MARCHF1: variants seen among roughly 807,000 people sequenced by gnomAD.
MARCHF1 encodes membrane associated ring-CH-type finger 1, also known as E3 ubiquitin-protein ligase MARCHF1.
A neutral mutation model predicts 54.2 loss-of-function variants in MARCHF1; 40 were observed. The ratio of observed to expected loss-of-function variants is 0.74; its 90% CI spans 0.57 to 0.96. MARCHF1 has a LOEUF of 0.96. Among genes scored for constraint, MARCHF1 ranks in the 40% least tolerant of loss-of-function variants. The probability of loss-of-function intolerance (pLI) is 0.00; values close to 1 mark genes in which losing one functional copy is unlikely to be tolerated. For missense variants in MARCHF1, 586 were observed against 656.5 expected (o/e 0.89, Z 1.17); for synonymous variants, 236 against 236.3 (o/e 1.00, Z 0.01).
chr4:163,582,252 G>A (rs571824350), intron 8 of MARCHF1, among the ~76,000 whole-genome samples: 20 of 152,100 alleles, frequency 1.3e-4, no homozygotes, highest in Non-Finnish European at 2.5e-4. Flanking sequence ...TCTGACCTTG[G>A]TTAACTTAGC....
chr4:163,798,643 C>A (rs1020421566), intron 4 of MARCHF1, among the ~76,000 whole-genome samples: 35 of 151,816 alleles, frequency 2.3e-4, no homozygotes, highest in African/African-American at 8.2e-4. Context: ...AGTAGCCCTT[C>A]CTATCATGAA....
At chr4:163,619,258 G>C (rs1290570164) in intron 5 of MARCHF1, among the ~76,000 whole-genome samples, 1 of 152,178 alleles carries the variant, frequency 6.6e-6, no homozygotes. Context: ...CATTTTGGCA[G>C]CTGAGAATTG....
At chr4:164,124,309 A>G (rs572257042) in intron 1 of MARCHF1, among the ~76,000 whole-genome samples, 2 of 152,226 alleles carry the variant, frequency 1.3e-5, no homozygotes, top group South Asian at 4.2e-4. Flanking sequence ...AGAAAAGGGA[A>G]CCTTGGCACA....
chr4:163,645,789 A>G (rs1742734511), intron 5 of MARCHF1, among the ~76,000 whole-genome samples: 1 of 152,190 alleles, frequency 6.6e-6, no homozygotes. Flanking sequence ...TGCCAATTCA[A>G]GGAACAAAAA....
chr4:163,721,608 C>T (rs572401061), intron 4 of MARCHF1, among the ~76,000 whole-genome samples: 5 of 152,078 alleles, frequency 3.3e-5, no homozygotes, highest in Admixed American at 2.6e-4. Context: ...GGAATGGTAC[C>T]AGCTCCTCCT....
chr4:163,740,284 C>T (rs1454922538), intron 4 of MARCHF1, among the ~76,000 whole-genome samples: 1 of 152,156 alleles, frequency 6.6e-6, no homozygotes, highest in East Asian at 1.9e-4. Flanking sequence ...AGTCCCAGTA[C>T]CGGTCCTAGC....
chr4:163,773,271 G>C (rs1325465622), intron 4 of MARCHF1, among the ~76,000 whole-genome samples: 2 of 152,142 alleles, frequency 1.3e-5, no homozygotes, highest in Non-Finnish European at 2.9e-5. Flanking sequence ...GTCTATCCAA[G>C]AATCAGTCTC....
chr4:164,309,508 G>A (rs1297175211), intron 1 of MARCHF1, among the ~76,000 whole-genome samples: 1 of 152,096 alleles, frequency 6.6e-6, no homozygotes, highest in Non-Finnish European at 1.5e-5. Flanking sequence ...CAGTCAGGGG[G>A]CTGAGTGCAA....
At chr4:163,706,705 CA>C (rs1238886563) in intron 4 of MARCHF1, among the ~76,000 whole-genome samples, 1 of 151,662 alleles carries the variant, frequency 6.6e-6, no homozygotes, top group Non-Finnish European at 1.5e-5. Flanking sequence ...ATTAAATCTT[CA>C]ATAGAATTTA....
intron 1 of MARCHF1, among the ~76,000 whole-genome samples, chr4:164,237,614 T>C (rs1297649647): frequency 6.6e-6 from 1 of 152,090 alleles, no homozygotes; most frequent in Non-Finnish European, 1.5e-5. Flanking sequence ...TCTTTATTAA[T>C]TGCAAAACAC....
intron 2 of MARCHF1, among the ~76,000 whole-genome samples, chr4:164,028,217 T>C (rs1753809427): frequency 6.6e-6 from 1 of 152,186 alleles, no homozygotes; most frequent in Admixed American, 6.5e-5. Flanking sequence ...ATTCCCATTA[T>C]TGGGTATATA....
At chr4:163,579,292 G>T (rs897829035) in intron 8 of MARCHF1, among the ~76,000 whole-genome samples, 4 of 152,082 alleles carry the variant, frequency 2.6e-5, no homozygotes, top group Admixed American at 2.6e-4. Flanking sequence ...CTAAGAGCAA[G>T]AATTGCACTT....
chr4:163,966,236 A>C (rs527785789), intron 3 of MARCHF1, among the ~76,000 whole-genome samples: 1 of 152,188 alleles, frequency 6.6e-6, no homozygotes. Flanking sequence ...CTTTATAAAC[A>C]TAGTTATTTT....
chr4:163,900,265 C>T (rs146654409), intron 3 of MARCHF1, among the ~76,000 whole-genome samples: 92 of 151,780 alleles, frequency 6.1e-4, no homozygotes, highest in African/African-American at 2.1e-3. Context: ...ACTGGTACTC[C>T]GTCAAATTAA....
chr4:164,132,008 T>C (rs1468628999), intron 1 of MARCHF1, among the ~76,000 whole-genome samples: 1 of 152,152 alleles, frequency 6.6e-6, no homozygotes, highest in Non-Finnish European at 1.5e-5. Flanking sequence ...TGAAAAGTAT[T>C]GATTCTTAAC....
intron 1 of MARCHF1, among the ~76,000 whole-genome samples, chr4:164,174,601 T>C (rs1358713697): frequency 2.6e-5 from 4 of 152,178 alleles, no homozygotes; most frequent in African/African-American, 7.2e-5. Context: ...GTTTTCTCTC[T>C]CCAGGTGCTA....
intron 8 of MARCHF1, among the ~76,000 whole-genome samples, chr4:163,580,368 G>A (rs1472100137): frequency 3.9e-5 from 6 of 152,032 alleles, no homozygotes; most frequent in African/African-American, 1.2e-4. Context: ...GTGAGCCACC[G>A]CACCTGGCCC....
intron 3 of MARCHF1, among the ~76,000 whole-genome samples, chr4:163,883,258 TGAGAGAGA>T (rs55714281): frequency 6.3e-4 from 92 of 145,512 alleles, no homozygotes; most frequent in South Asian, 8.8e-4. Flanking sequence ...TATATATATA[TGAGAGAGA>T]GAGAGAGAGA....
intron 9 of MARCHF1, among the ~76,000 whole-genome samples, chr4:163,529,505 TA>T (rs763995122): frequency 1.1e-4 from 16 of 151,992 alleles, no homozygotes; most frequent in Admixed American, 2.0e-4. Context: ...TCATTTATTT[TA>T]AAATGTAAAA....
Sources: allele counts gnomAD v4.1 joint callset (sites outside exome capture counted in the v4.1 genomes callset), GRCh38; gene constraint gnomAD v4.1.1; transcripts MANE v1.5; gene names NCBI Gene and HGNC (gene_info 2026-07-23, HGNC 2026-07-21).